IFTAP: variants seen among roughly 807,000 people sequenced by gnomAD.
The protein encoded by IFTAP is intraflagellar transport associated protein.
Under a neutral mutation model 19.4 loss-of-function variants are expected in IFTAP, and 19 were observed. That is an observed-to-expected ratio of 0.98 (90% confidence interval 0.68 to 1.44). The LOEUF (loss-of-function observed/expected upper bound fraction) is 1.44, where lower values mean the gene tolerates loss of function less well. IFTAP is among the 40% of genes most tolerant of loss of function. IFTAP has a pLI of 0.00. For missense variants in IFTAP, 240 were observed against 253.6 expected (o/e 0.95, Z 0.36); for synonymous variants, 85 against 83.5 (o/e 1.02, Z -0.10).
chr11:36,609,825 A>C (rs1851811089), intron 1 of IFTAP, among the ~76,000 whole-genome samples: 1 of 152,172 alleles, frequency 6.6e-6, no homozygotes, highest in Admixed American at 6.6e-5. Flanking sequence ...AGTCATATGA[A>C]TATATGACAA....
chr11:36,642,957 A>G (rs1171598108), intron 4 of IFTAP, among the ~76,000 whole-genome samples: 1 of 152,222 alleles, frequency 6.6e-6, no homozygotes, highest in Non-Finnish European at 1.5e-5. Flanking sequence ...CAAGACAAGG[A>G]TGCCCTCTTT....
intron 4 of IFTAP, among the ~76,000 whole-genome samples, chr11:36,637,865 C>A (rs1171279597): frequency 6.6e-6 from 1 of 150,856 alleles, no homozygotes; most frequent in Non-Finnish European, 1.5e-5. Flanking sequence ...GCCAACAGAT[C>A]TGATTTTTGT....
intron 2 of IFTAP, among the ~76,000 whole-genome samples, chr11:36,617,227 T>C (rs1852127262): frequency 6.7e-6 from 1 of 148,682 alleles, no homozygotes; most frequent in Non-Finnish European, 1.5e-5. Context: ...GTATATTTAT[T>C]TTTTTGTATA....
At chr11:36,622,083 A>ATTTTTTTTTTTTTTTTTTTTTTTTTTT (rs199873596) in intron 2 of IFTAP, among the ~76,000 whole-genome samples, 3 of 138,174 alleles carry the variant, frequency 2.2e-5, no homozygotes, top group African/African-American at 2.8e-5. Flanking sequence ...CTCTTGTTCT[A>ATTTTTTTTTTTTTTTTTTTTTTTTTTT]TTTTTTATTT....
intron 2 of IFTAP, among the ~76,000 whole-genome samples, chr11:36,630,635 A>T (rs1308034834): frequency 6.6e-6 from 1 of 151,422 alleles, no homozygotes; most frequent in Non-Finnish European, 1.5e-5. Context: ...ACACTGAGTG[A>T]TCATGAGAAC....
chr11:36,627,765 C>T (rs1340378681), intron 2 of IFTAP, among the ~76,000 whole-genome samples: 1 of 150,886 alleles, frequency 6.6e-6, no homozygotes, highest in East Asian at 1.9e-4. Context: ...TATGTGTGGC[C>T]TCTTGGCACC....
At chr11:36,635,704 C>T (rs1852920634) in intron 3 of IFTAP, among the ~76,000 whole-genome samples, 1 of 152,130 alleles carries the variant, frequency 6.6e-6, no homozygotes, top group Non-Finnish European at 1.5e-5. Context: ...AAAACAAAAC[C>T]CAGAAACACT....
chr11:36,639,812 C>T (rs1407740858), intron 4 of IFTAP, among the ~76,000 whole-genome samples: 2 of 152,170 alleles, frequency 1.3e-5, no homozygotes, highest in African/African-American at 4.8e-5. Context: ...GCCAAACAAA[C>T]CATATCCTAA....
At chr11:36,608,936 G>A (rs1187734544) in intron 1 of IFTAP, among the ~76,000 whole-genome samples, 1 of 152,200 alleles carries the variant, frequency 6.6e-6, no homozygotes, top group African/African-American at 2.4e-5. Context: ...ATGCTTGACT[G>A]TTGTACTTGC....
intron 4 of IFTAP, among the ~76,000 whole-genome samples, chr11:36,638,160 C>T (rs1449712343): frequency 6.6e-6 from 1 of 151,866 alleles, no homozygotes; most frequent in South Asian, 2.1e-4. Flanking sequence ...ACCGCCCGCC[C>T]GAGTGCTAGG....
At chr11:36,638,034 C>T (rs2133472005) in intron 4 of IFTAP, among the ~76,000 whole-genome samples, 1 of 152,058 alleles carries the variant, frequency 6.6e-6, no homozygotes, top group East Asian at 1.9e-4. Context: ...GTGCATGCTG[C>T]CATGCCTGGC....
At position 36,659,026 on chromosome 11, in the gene IFTAP, G is replaced by C; in HGVS notation, c.506G>C (p.Gly169Ala). The change falls in exon 6 of 6, where the codon GGA (glycine) becomes GCA (alanine). Residue 169 changes from glycine (G) to alanine (A), a missense_variant. Coordinates refer to ENST00000334307, the MANE Select transcript of IFTAP (RefSeq NM_138787.4). ...RMDKQTEEIL[G>A]DEVQLFSLDE... ...CTTTGTTACCTTTTATAGATACTTG[G>C]AGATGAAGTTCAACTTTTTTCACTT... The C allele has an allele frequency of 6.3e-7, 1 of 1,590,844 alleles. No homozygotes were observed. Among genetic ancestry groups the C allele is most frequent in the Non-Finnish European group, 8.6e-7 (1 of 1,168,054 alleles).
chr11:36,610,965 G>A (rs1498337), intron 2 of IFTAP, among the ~76,000 whole-genome samples: 73,038 of 151,808 alleles, frequency 0.48, 20,219 homozygotes, highest in East Asian at 0.77. Flanking sequence ...TTGAGCCAAC[G>A]TTTGAAAGTT....
chr11:36,599,642 A>ATT (rs144490050), intron 1 of IFTAP, among the ~76,000 whole-genome samples: 16 of 151,656 alleles, frequency 1.1e-4, no homozygotes, highest in African/African-American at 3.9e-4. Flanking sequence ...TTCAGGGTTG[A>ATT]TTTTTTTTTA....
chr11:36,606,389 G>T (rs1190422434), intron 1 of IFTAP, among the ~76,000 whole-genome samples: 2 of 152,162 alleles, frequency 1.3e-5, no homozygotes, highest in African/African-American at 2.4e-5. Context: ...CTTAAACCTG[G>T]GAGGCAGAGG....
chr11:36,641,475 G>A (rs1228589768), intron 4 of IFTAP, among the ~76,000 whole-genome samples: 1 of 151,936 alleles, frequency 6.6e-6, no homozygotes, highest in African/African-American at 2.4e-5. Flanking sequence ...TTTAGAAGTT[G>A]CCTGTTCTCA....
chr11:36,648,228 C>CAA, intron 5 of IFTAP, 73 bp downstream of exon 5: 1 of 1,508,824 alleles, frequency 6.6e-7, no homozygotes, highest in South Asian at 1.3e-5. Flanking sequence ...AGAAATGCTG[C>CAA]ATGCTTCTGT....
chr11:36,618,653 A>G (rs1352965598), intron 2 of IFTAP, among the ~76,000 whole-genome samples: 2 of 152,006 alleles, frequency 1.3e-5, no homozygotes, highest in East Asian at 1.9e-4. Flanking sequence ...AGCCTGAGGA[A>G]CACCCACATT....
chr11:36,653,266 C>T (rs751500069), intron 5 of IFTAP, among the ~76,000 whole-genome samples: 2 of 152,214 alleles, frequency 1.3e-5, no homozygotes, highest in Middle Eastern at 3.4e-3. Flanking sequence ...GAATAAGTCA[C>T]ATGAGAAATT....
Sources: gnomAD v4.1 joint callset for allele counts (sites outside exome capture counted in the v4.1 genomes callset) on GRCh38, gnomAD v4.1.1 for gene constraint, MANE v1.5 for transcripts, NCBI Gene and HGNC (gene_info 2026-07-23, HGNC 2026-07-21) for gene names.